EFCAB11: variants seen among roughly 807,000 people sequenced by gnomAD.
EFCAB11 encodes the protein EF-hand calcium binding domain 11.
EFCAB11 carries 14 observed loss-of-function variants against 23.0 expected under a neutral mutation model. That is an observed-to-expected ratio of 0.61 (90% CI 0.40 to 0.95). The LOEUF (loss-of-function observed/expected upper bound fraction) is 0.95, where lower values mean the gene tolerates loss of function less well. EFCAB11 is among the 40% of genes least tolerant of loss of function. The pLI is 0.00. For synonymous variants in EFCAB11, 65 were observed against 66.6 expected, an observed-to-expected ratio of 0.98 and a Z score of 0.11; for missense variants, 198 against 195.8, an observed-to-expected ratio of 1.01 and a Z score of -0.07.
chr14:89,892,453 G>A (rs1455533481), intron 5 of EFCAB11: 18 of 1,541,318 alleles, frequency 1.2e-5, no homozygotes, highest in African/African-American at 9.6e-5. Flanking sequence ...GACTCTAGGA[G>A]AGAAAGGGTT....
intron 5 of EFCAB11, among the ~76,000 whole-genome samples, chr14:89,862,611 T>G (rs1174576846): frequency 6.6e-6 from 1 of 152,252 alleles, no homozygotes; most frequent in Non-Finnish European, 1.5e-5. Flanking sequence ...AGATTTTAGT[T>G]GTGTTGACTA....
At chr14:89,935,056 T>C (rs1047393307) in intron 3 of EFCAB11, among the ~76,000 whole-genome samples, 7 of 152,112 alleles carry the variant, frequency 4.6e-5, no homozygotes, top group Non-Finnish European at 1.5e-5. Context: ...TAGTGAATAT[T>C]TGTATCTCCT....
chr14:89,852,013 T>C (rs891279658), intron 5 of EFCAB11, among the ~76,000 whole-genome samples: 4 of 152,208 alleles, frequency 2.6e-5, no homozygotes, highest in Non-Finnish European at 4.4e-5. Flanking sequence ...GTTGGTTCCA[T>C]GAATCTCAAA....
intron 5 of EFCAB11, among the ~76,000 whole-genome samples, chr14:89,900,120 C>T (rs1195513475): frequency 2.0e-5 from 3 of 152,018 alleles, no homozygotes; most frequent in Non-Finnish European, 4.4e-5. Flanking sequence ...CCCCCTGGTG[C>T]CCCAACAGAA....
At chr14:89,900,558 C>T (rs1889309481) in intron 5 of EFCAB11, among the ~76,000 whole-genome samples, 1 of 152,242 alleles carries the variant, frequency 6.6e-6, no homozygotes, top group South Asian at 2.1e-4. Flanking sequence ...TGCCCTGTCA[C>T]ATTCAGGCTT....
intron 2 of EFCAB11, among the ~76,000 whole-genome samples, chr14:89,951,243 T>C (rs1167347898): frequency 6.6e-6 from 1 of 152,208 alleles, no homozygotes; most frequent in East Asian, 1.9e-4. Flanking sequence ...TTAAATTTTC[T>C]CTTAATTGGT....
At chr14:89,849,532 G>A (rs1887534871) in intron 5 of EFCAB11, among the ~76,000 whole-genome samples, 1 of 151,756 alleles carries the variant, frequency 6.6e-6, no homozygotes, top group South Asian at 2.1e-4. Flanking sequence ...AATGTGAGTG[G>A]GATTGTGGGA....
chr14:89,846,718 T>G (rs763229503), intron 5 of EFCAB11, among the ~76,000 whole-genome samples: 1 of 152,224 alleles, frequency 6.6e-6, no homozygotes. Flanking sequence ...CTACATTCTC[T>G]AAGTCTATGA....
intron 3 of EFCAB11, among the ~76,000 whole-genome samples, chr14:89,933,873 T>G (rs1215485082): frequency 6.6e-6 from 1 of 152,204 alleles, no homozygotes; most frequent in Admixed American, 6.5e-5. Context: ...GAGAGAGCCC[T>G]TCAAGGAGGA....
intron 5 of EFCAB11, among the ~76,000 whole-genome samples, chr14:89,930,033 T>C (rs956596379): frequency 1.3e-5 from 2 of 152,232 alleles, no homozygotes; most frequent in Non-Finnish European, 2.9e-5. Flanking sequence ...ATGGTAGAAG[T>C]ATATTGATAT....
At chr14:89,815,432 T>A (rs1886302955) in intron 5 of EFCAB11, among the ~76,000 whole-genome samples, 1 of 146,468 alleles carries the variant, frequency 6.8e-6, no homozygotes, top group Admixed American at 6.8e-5. Context: ...TATGAAATCC[T>A]TTTTTTTTTT....
intron 5 of EFCAB11, among the ~76,000 whole-genome samples, chr14:89,834,826 A>C (rs936707492): frequency 1.3e-5 from 2 of 152,230 alleles, no homozygotes; most frequent in African/African-American, 4.8e-5. Context: ...GACAGAGAAG[A>C]TAATTGATGC....
At chr14:89,901,152 C>T (rs1889326511) in intron 5 of EFCAB11, among the ~76,000 whole-genome samples, 1 of 152,212 alleles carries the variant, frequency 6.6e-6, no homozygotes, top group African/African-American at 2.4e-5. Flanking sequence ...CTTCTTACCC[C>T]TACTCTTCCC....
At chr14:89,827,149 A>C (rs1438403039) in intron 5 of EFCAB11, among the ~76,000 whole-genome samples, 1 of 152,230 alleles carries the variant, frequency 6.6e-6, no homozygotes, top group Non-Finnish European at 1.5e-5. Flanking sequence ...GGTAGTAACC[A>C]TTAAAACACA....
chr14:89,899,414 T>C (rs1889275046), intron 5 of EFCAB11, among the ~76,000 whole-genome samples: 1 of 152,202 alleles, frequency 6.6e-6, no homozygotes, highest in South Asian at 2.1e-4. Context: ...ACACATGCTC[T>C]CCAAAATTCT....
At chr14:89,808,848 C>G in intron 5 of EFCAB11, among the ~76,000 whole-genome samples, 1 of 152,106 alleles carries the variant, frequency 6.6e-6, no homozygotes, top group East Asian at 1.9e-4. Context: ...GGGCCATATA[C>G]AAGCATTTAG....
At chr14:89,903,752 T>C (rs540156429) in intron 5 of EFCAB11, among the ~76,000 whole-genome samples, 1 of 152,326 alleles carries the variant, frequency 6.6e-6, no homozygotes, top group South Asian at 2.1e-4. Context: ...CAATTTATTA[T>C]CTACCTTTAA....
chr14:89,909,998 G>C (rs1374410734), intron 5 of EFCAB11, among the ~76,000 whole-genome samples: 2 of 152,136 alleles, frequency 1.3e-5, no homozygotes, highest in Non-Finnish European at 2.9e-5. Flanking sequence ...GTACTTTGTA[G>C]TCATCTTTCA....
rs558805714 is a variant in EFCAB11 at position 89,837,849 on chromosome 14, G to C, written c.411-40525C>G. On this transcript the variant is annotated intron_variant, in intron 5 of 5. Coordinates refer to ENST00000316738, the MANE Select transcript of EFCAB11 (RefSeq NM_145231.4). Reference sequence around the variant, plus strand: ...CCACATAAATCTAGGGGTGGGGCGGGGAGCTGTGGGGGTGATATCAGTTTC... The same window carrying C: ...CCACATAAATCTAGGGGTGGGGCGGCGAGCTGTGGGGGTGATATCAGTTTC... Among the ~76,000 whole-genome samples, 3 of 152,236 alleles carry C rather than the reference G, an allele frequency of 2.0e-5. No homozygotes were observed. In the South Asian group the frequency reaches 6.2e-4, roughly 32 times the overall value.
Sources: gnomAD v4.1 joint callset for allele counts (sites outside exome capture counted in the v4.1 genomes callset) on GRCh38, gnomAD v4.1.1 for gene constraint, MANE v1.5 for transcripts, NCBI Gene and HGNC (gene_info 2026-07-23, HGNC 2026-07-21) for gene names.